KLRD1: variants seen among roughly 807,000 people sequenced by gnomAD.
KLRD1 encodes the protein natural killer cells antigen CD94.
KLRD1 carries 21 observed loss-of-function variants against 22.6 expected under a neutral mutation model. That is an observed-to-expected ratio of 0.93 (90% confidence interval 0.66 to 1.34). KLRD1 has a LOEUF of 1.34. Ranked by LOEUF, KLRD1 falls within the 40% of genes most tolerant of loss-of-function variation. KLRD1 has a pLI of 0.00. For synonymous variants in KLRD1, 59 were observed against 71.1 expected (o/e 0.83, Z 0.85); for missense variants, 183 against 208.6 (o/e 0.88, Z 0.76).
intron 1 of KLRD1, among the ~76,000 whole-genome samples, chr12:10,239,216 A>T (rs1385303342): frequency 4.6e-5 from 7 of 152,366 alleles, no homozygotes. Flanking sequence ...TCAAGGACAG[A>T]TTAAATCTCC....
At chr12:10,309,525 G>T (rs1950005834) in intron 2 of KLRD1, 45 bp downstream of exon 2, 1 of 1,297,818 alleles carries the variant, frequency 7.7e-7, no homozygotes, top group Admixed American at 1.7e-5. Flanking sequence ...AAACTGTGAA[G>T]ACATCATTTA....
chr12:10,323,839 T>A lies in KLRD1; in HGVS notation c.*9046T>A, dbSNP rs1950333445. The stretch of plus-strand genomic sequence containing the variant: ...TGTTGATACATGTATCAATAGTTAA[T>A]TCCCTTTTATTTCTTATTTCTTTCC... On this transcript the variant is annotated 3_prime_UTR_variant, in exon 6 of 6. Transcript: ENST00000336164. 1 of 150,516 alleles carries A rather than the reference T, an allele frequency of 6.6e-6. No homozygotes were observed. The highest frequency in any genetic ancestry group is 6.7e-5 in the Admixed American group (1 of 14,848). The allele number at this position is 150,516 out of a possible 1,614,324, so 9.3% of individuals were successfully genotyped here. A position where few individuals can be genotyped will look rare whatever the true frequency, so the allele number is the denominator to read the frequency against.
intron 1 of KLRD1, among the ~76,000 whole-genome samples, chr12:10,274,308 G>A (rs746852726): frequency 2.6e-5 from 4 of 151,940 alleles, no homozygotes; most frequent in Non-Finnish European, 5.9e-5. Context: ...AAATGTTACA[G>A]GTTATTTACA....
intron 1 of KLRD1, among the ~76,000 whole-genome samples, chr12:10,241,772 A>G (rs1191060379): frequency 6.6e-6 from 1 of 152,154 alleles, no homozygotes; most frequent in African/African-American, 2.4e-5. Flanking sequence ...ATATATGTGT[A>G]TGTATATATA....
Position 10,314,796 on chromosome 12 carries a change from G to C in KLRD1, c.*3G>C. The C allele has an allele frequency of 6.2e-7, 1 of 1,602,990 alleles. No homozygotes were observed. Among genetic ancestry groups the C allele is most frequent in the Non-Finnish European group, 8.5e-7 (1 of 1,176,966 alleles). On this transcript the variant is annotated 3_prime_UTR_variant, in exon 6 of 6. Transcript: ENST00000336164. ...TCTGTAAGCAACAGCTCATTTAAAT[G>C]TTTCTTGGGGCAGAGAAGGTGGAGA...
chr12:10,277,276 A>G (rs1949601188), intron 1 of KLRD1, among the ~76,000 whole-genome samples: 2 of 152,120 alleles, frequency 1.3e-5, no homozygotes, highest in South Asian at 2.1e-4. Context: ...AAATATTTAG[A>G]CCTTTAATAC....
At chr12:10,277,004 G>A (rs1024902490) in intron 1 of KLRD1, among the ~76,000 whole-genome samples, 1 of 152,018 alleles carries the variant, frequency 6.6e-6, no homozygotes, top group African/African-American at 2.4e-5. Context: ...CTAGTTTTGT[G>A]TGGTTAGGGC....
rs750763577 is a variant in KLRD1 at position 10,319,865 on chromosome 12, CTTTTTTTTTTTT to C, written c.*5081_*5092del. ...TGTGTGAAATAGTAAAGTGTTTATT[CTTTTTTTTTTTT>C]TTTTTTTTGACAGAGTCTCACTCTG... On this transcript the variant is annotated 3_prime_UTR_variant, in exon 6 of 6. Coordinates refer to ENST00000336164, the MANE Select transcript of KLRD1 (RefSeq NM_002262.5). 1.7e-5 allele frequency: 2 copies of C among 116,892 alleles called. No homozygotes were observed. Among genetic ancestry groups the C allele is most frequent in the Non-Finnish European group, 1.7e-5 (1 of 57,640 alleles). The allele number at this position is 116,892 out of a possible 1,614,324, so 7.2% of individuals were successfully genotyped here. A position where few individuals can be genotyped will look rare whatever the true frequency, so the allele number is the denominator to read the frequency against.
rs185196625 is a variant in KLRD1, at chr12:10,280,313, C to T, written c.-100-27665C>T. ...TTTCCTTTCTGAAGAAAAAATTCAA[C>T]ATGGGCTAGATCAGAATAGAGATGG... is the stretch of plus-strand genomic sequence containing the variant. On this transcript the variant is annotated intron_variant, in intron 1 of 5. Transcript: ENST00000544747. Among the ~76,000 whole-genome samples the T allele has an allele frequency of 3.3e-5, 5 of 152,264 alleles. No individual in the cohort carries two copies. In the East Asian group the frequency reaches 7.7e-4, roughly 23 times the overall value.
At chr12:10,296,783 G>A (rs749076962) in intron 1 of KLRD1, among the ~76,000 whole-genome samples, 1 of 152,144 alleles carries the variant, frequency 6.6e-6, no homozygotes, top group Non-Finnish European at 1.5e-5. Context: ...CTTACCCCCC[G>A]GCCCCTGCAG....
chr12:10,246,933 CTT>C (rs71049075), intron 1 of KLRD1, among the ~76,000 whole-genome samples: 1 of 58,374 alleles, frequency 1.7e-5, no homozygotes, highest in Non-Finnish European at 4.1e-5. Context: ...CTTTTCTTTT[CTT>C]TTTTTTTTTT....
rs1047018641 is a variant in KLRD1, at chr12:10,315,235, C to G, written c.*442C>G. 2 of 425,812 alleles carry G rather than the reference C, an allele frequency of 4.7e-6. No individual in the cohort carries two copies. Among genetic ancestry groups the G allele is most frequent in the African/African-American group, 4.2e-5 (2 of 47,464 alleles). 26.4% of individuals were successfully genotyped at this position (425,812 alleles called of 1,614,324 possible). Reference sequence around the variant, plus strand: ...GCAAGCTCAAGTGATCCTCCTGACTCAGCCTCCCAAGTAGCTAGGACTGCA... The same window carrying G: ...GCAAGCTCAAGTGATCCTCCTGACTGAGCCTCCCAAGTAGCTAGGACTGCA... On this transcript the variant is annotated 3_prime_UTR_variant, in exon 6 of 6. Coordinates refer to ENST00000336164, the MANE Select transcript of KLRD1 (RefSeq NM_002262.5).
intron 1 of KLRD1, among the ~76,000 whole-genome samples, chr12:10,264,679 C>T (rs1282548990): frequency 2.6e-5 from 1 of 39,080 alleles, no homozygotes; most frequent in African/African-American, 6.3e-5. Flanking sequence ...ACATAGTTAC[C>T]TTCTGTGTGT....
At chr12:10,257,139 C>CTTTCTT (rs1949404375) in intron 1 of KLRD1, among the ~76,000 whole-genome samples, 1 of 130,282 alleles carries the variant, frequency 7.7e-6, no homozygotes, top group African/African-American at 3.1e-5. Context: ...CTTTTCTTTT[C>CTTTCTT]TTTTTTTTTT....
At chr12:10,290,705 T>A (rs1163230623) in intron 1 of KLRD1, among the ~76,000 whole-genome samples, 1 of 152,234 alleles carries the variant, frequency 6.6e-6, no homozygotes, top group African/African-American at 2.4e-5. Context: ...TTTCAGTATT[T>A]ATCTTTAATA....
intron 4 of KLRD1, among the ~76,000 whole-genome samples, chr12:10,312,240 C>A (rs11053739): frequency 0.56 from 84,360 of 151,290 alleles, 24,410 homozygotes; most frequent in Middle Eastern, 0.68. Flanking sequence ...TTAGTAGAGA[C>A]AGGGTTTCAC....
At chr12:10,273,505 A>G (rs927285759) in intron 1 of KLRD1, among the ~76,000 whole-genome samples, 7 of 152,224 alleles carry the variant, frequency 4.6e-5, no homozygotes, top group African/African-American at 1.7e-4. Context: ...TAAAGTGTGC[A>G]TATGTGAAAT....
At chr12:10,258,622 C>A (rs888123642) in intron 1 of KLRD1, among the ~76,000 whole-genome samples, 1 of 152,032 alleles carries the variant, frequency 6.6e-6, no homozygotes, top group African/African-American at 2.4e-5. Flanking sequence ...TTGAAAAAAT[C>A]GGAAGAATCA....
intron 1 of KLRD1, among the ~76,000 whole-genome samples, chr12:10,276,089 G>A (rs528095137): frequency 3.9e-5 from 6 of 152,070 alleles, no homozygotes; most frequent in Admixed American, 6.6e-5. Flanking sequence ...AGTTATCTGT[G>A]TTGCTGTGGA....
Sources: gnomAD v4.1 joint callset for allele counts (sites outside exome capture counted in the v4.1 genomes callset) on GRCh38, gnomAD v4.1.1 for gene constraint, MANE v1.5 for transcripts, NCBI Gene and HGNC (gene_info 2026-07-23, HGNC 2026-07-21) for gene names.